Variants in DPP6 observed in about 807,000 individuals in gnomAD.
The protein encoded by DPP6 is dipeptidyl peptidase like 6.
A neutral mutation model predicts 122.6 loss-of-function variants in DPP6; 69 were observed. The observed-to-expected ratio is 0.56, with a 90% CI of 0.46 to 0.69. The LOEUF (loss-of-function observed/expected upper bound fraction) is 0.69, where lower values mean the gene tolerates loss of function less well. Ranked by LOEUF, DPP6 falls within the 30% of genes least tolerant of loss-of-function variation. The pLI, the probability that DPP6 is intolerant of heterozygous loss-of-function variation, is 0.00. For synonymous variants in DPP6, 418 were observed against 433.1 expected, an observed-to-expected ratio of 0.97 and a Z score of 0.43; for missense variants, 928 against 1,116.9, an observed-to-expected ratio of 0.83 and a Z score of 2.41.
chr7:153,775,259 G>T, the DPP6 span, among the ~76,000 whole-genome samples: 1 of 144,850 alleles, frequency 6.9e-6, no homozygotes, highest in African/African-American at 2.6e-5. Context: ...AAATCAATCA[G>T]TGTGATTCAC....
chr7:153,792,506 T>G, the DPP6 span, among the ~76,000 whole-genome samples: 6 of 152,158 alleles, frequency 3.9e-5, no homozygotes, highest in Non-Finnish European at 8.8e-5. Flanking sequence ...TGAAAAGGCT[T>G]TTTTAGCAAC....
rs60547762 is a variant in DPP6, at chr7:154,540,855, G to A, written c.552+229G>A. Among the ~76,000 whole-genome samples the A allele has an allele frequency of 0.033, 4,971 of 152,128 alleles. 276 individuals carry two copies. Among genetic ancestry groups the A allele is most frequent in the African/African-American group, 0.11 (4,632 of 41,468 alleles). ...CTGGGAAATTTCTCTGCAGGTGTTG[G>A]GAACAAGTGTTGCATATCATATATA... On this transcript the variant is annotated intron_variant, in intron 4 of 25. Transcript: ENST00000377770.
chr7:153,840,408 A>G, the DPP6 span, among the ~76,000 whole-genome samples: 2 of 152,154 alleles, frequency 1.3e-5, no homozygotes, highest in African/African-American at 4.8e-5. Context: ...CAACTCACAC[A>G]TATTACCCTG....
At chr7:154,665,811 A>T (rs1281051638) in intron 6 of DPP6, among the ~76,000 whole-genome samples, 1 of 152,162 alleles carries the variant, frequency 6.6e-6, no homozygotes, top group African/African-American at 2.4e-5. Flanking sequence ...CTCTGATTTC[A>T]AACTTCACAG....
intron 3 of DPP6, among the ~76,000 whole-genome samples, chr7:154,536,344 G>T (rs2130187939): frequency 6.6e-6 from 1 of 152,236 alleles, no homozygotes; most frequent in Admixed American, 6.5e-5. Flanking sequence ...TCCCTTGTTA[G>T]ATTCATTTCT....
At chr7:154,260,936 C>T (rs1802975718) in intron 1 of DPP6, among the ~76,000 whole-genome samples, 1 of 151,870 alleles carries the variant, frequency 6.6e-6, no homozygotes, top group Non-Finnish European at 1.5e-5. Context: ...CACTCTGTTG[C>T]CCAGGCTGGA....
chr7:154,297,063 G>GTTTT (rs34506058), intron 1 of DPP6, among the ~76,000 whole-genome samples: 50 of 125,238 alleles, frequency 4.0e-4, no homozygotes, highest in Non-Finnish European at 5.9e-4. Flanking sequence ...AATGTATTCT[G>GTTTT]TTTTTTTTTT....
rs191911551 is a variant in DPP6 at position 154,080,963 on chromosome 7, G to T, written c.243+27900G>T. 3.3e-5 allele frequency among the ~76,000 whole-genome samples: 5 copies of T among 152,202 alleles called. No homozygotes were observed. The East Asian group carries it at 9.7e-4, about 29-fold the overall frequency. ...GTGTATTACCTTCTGCTCTCTGTAT[G>T]TAAAACAGCTGAAGCTAAATCCCTT... On this transcript the variant is annotated intron_variant, in intron 1 of 25. Transcript: ENST00000377770.
chr7:154,298,446 C>T (rs1293604942), intron 1 of DPP6, among the ~76,000 whole-genome samples: 1 of 152,094 alleles, frequency 6.6e-6, no homozygotes, highest in African/African-American at 2.4e-5. Context: ...ATTAAACTAC[C>T]CAGAAGCGAT....
At chr7:154,456,256 C>T (rs887167288) in intron 2 of DPP6, among the ~76,000 whole-genome samples, 1 of 152,184 alleles carries the variant, frequency 6.6e-6, no homozygotes, top group Non-Finnish European at 1.5e-5. Context: ...ATCACTTCTG[C>T]AGAAACAGTA....
chr7:154,737,816 C>T (rs913827227), intron 8 of DPP6, among the ~76,000 whole-genome samples: 2 of 152,212 alleles, frequency 1.3e-5, no homozygotes, highest in African/African-American at 2.4e-5. Flanking sequence ...TCTCATGGCA[C>T]AGATTTAAGA....
intron 16 of DPP6, among the ~76,000 whole-genome samples, chr7:154,840,083 C>T (rs1007500843): frequency 3.9e-5 from 6 of 152,178 alleles, no homozygotes; most frequent in African/African-American, 1.2e-4. Flanking sequence ...GGTTTGCTTG[C>T]GCTACATCCT....
chr7:154,638,416 C>T (rs1835861497), intron 6 of DPP6, among the ~76,000 whole-genome samples: 1 of 152,142 alleles, frequency 6.6e-6, no homozygotes, highest in South Asian at 2.1e-4. Context: ...CCCATCACTC[C>T]GAGGGGGTTT....
At chr7:154,261,436 C>G (rs1003322250) in intron 1 of DPP6, among the ~76,000 whole-genome samples, 3 of 152,180 alleles carry the variant, frequency 2.0e-5, no homozygotes, top group African/African-American at 7.2e-5. Context: ...TATAAAAATT[C>G]TAGAAGATAA....
chr7:154,856,942 C>T (rs995200937), intron 17 of DPP6, among the ~76,000 whole-genome samples: 15 of 152,152 alleles, frequency 9.9e-5, no homozygotes, highest in Admixed American at 3.3e-4. Flanking sequence ...GACACCATTG[C>T]GCTTGATCTC....
At chr7:154,428,674 A>G (rs956508356) in intron 1 of DPP6, among the ~76,000 whole-genome samples, 1 of 152,252 alleles carries the variant, frequency 6.6e-6, no homozygotes, top group Non-Finnish European at 1.5e-5. Flanking sequence ...AGCCATAAAA[A>G]TAACGAAATA....
At chr7:154,413,818 TC>T (rs1469611330) in intron 1 of DPP6, among the ~76,000 whole-genome samples, 1 of 152,194 alleles carries the variant, frequency 6.6e-6, no homozygotes, top group East Asian at 1.9e-4. Context: ...GTTTGTTATT[TC>T]CTTTCTACCA....
chr7:154,167,896 C>T (rs372485516), intron 1 of DPP6, among the ~76,000 whole-genome samples: 4 of 152,310 alleles, frequency 2.6e-5, no homozygotes, highest in South Asian at 4.1e-4. Flanking sequence ...GTATGCAGGG[C>T]GAATGCTGCT....
intron 1 of DPP6, among the ~76,000 whole-genome samples, chr7:154,030,640 G>C (rs1012340043): frequency 2.9e-4 from 44 of 152,242 alleles, no homozygotes; most frequent in African/African-American, 1.1e-3. Context: ...CTCAGTTCTT[G>C]GGAAGGCGTC....
Sources: gnomAD v4.1 joint callset for allele counts (sites outside exome capture counted in the v4.1 genomes callset) on GRCh38, gnomAD v4.1.1 for gene constraint, MANE v1.5 for transcripts, NCBI Gene and HGNC (gene_info 2026-07-23, HGNC 2026-07-21) for gene names.